RAPGEF2: variants seen among roughly 807,000 people sequenced by gnomAD.
RAPGEF2 encodes Rap guanine nucleotide exchange factor 2.
RAPGEF2 carries 54 observed loss-of-function variants against 186.7 expected under a neutral mutation model. The observed-to-expected ratio is 0.29, with a 90% CI of 0.23 to 0.36. The LOEUF (loss-of-function observed/expected upper bound fraction) is 0.36. Among genes scored for constraint, RAPGEF2 ranks in the 10% least tolerant of loss-of-function variants. RAPGEF2 has a pLI of 1.00. For synonymous variants in RAPGEF2, 712 were observed against 705.9 expected, an observed-to-expected ratio of 1.01 and a Z score of -0.14; for missense variants, 1,532 against 2,045.0, an observed-to-expected ratio of 0.75 and a Z score of 4.84.
intron 3 of RAPGEF2, among the ~76,000 whole-genome samples, chr4:159,209,123 C>G (rs1215861895): frequency 6.7e-6 from 1 of 149,212 alleles, no homozygotes; most frequent in African/African-American, 2.5e-5. Flanking sequence ...AACTCCTGAC[C>G]TCAGGTGATC....
intron 7 of RAPGEF2, among the ~76,000 whole-genome samples, chr4:159,253,892 C>A (rs9994151): frequency 6.6e-6 from 1 of 152,022 alleles, no homozygotes. Context: ...GGCGTGAACC[C>A]AGGAGGCGGA....
intron 9 of RAPGEF2, among the ~76,000 whole-genome samples, chr4:159,320,300 A>G (rs771798100): frequency 8.5e-5 from 13 of 152,130 alleles, no homozygotes; most frequent in Non-Finnish European, 1.8e-4. Context: ...TATGATAGAT[A>G]TGGGTCATCT....
At chr4:159,257,392 A>C (rs1368358923) in intron 7 of RAPGEF2, among the ~76,000 whole-genome samples, 1 of 152,180 alleles carries the variant, frequency 6.6e-6, no homozygotes, top group Admixed American at 6.5e-5. Context: ...TGTGCAGAGA[A>C]ATTCCCGTCT....
At chr4:159,117,917 T>G (rs1739226842) in intron 1 of RAPGEF2, among the ~76,000 whole-genome samples, 1 of 152,058 alleles carries the variant, frequency 6.6e-6, no homozygotes, top group Non-Finnish European at 1.5e-5. Flanking sequence ...AATAGGAAGG[T>G]CATAGTTTCA....
At chr4:159,182,534 T>C (rs905321076) in intron 1 of RAPGEF2, among the ~76,000 whole-genome samples, 1 of 152,068 alleles carries the variant, frequency 6.6e-6, no homozygotes, top group Non-Finnish European at 1.5e-5. Flanking sequence ...TAGCTGGGAT[T>C]ACAGGCATAT....
At chr4:159,193,349 T>C in intron 3 of RAPGEF2, 93 bp downstream of exon 3, 1 of 582,944 alleles carries the variant, frequency 1.7e-6, no homozygotes. Context: ...GCTGGCTAAG[T>C]CAGCACTAAC....
chr4:159,315,317 T>C (rs889823550), intron 9 of RAPGEF2, among the ~76,000 whole-genome samples: 1 of 151,952 alleles, frequency 6.6e-6, no homozygotes, highest in East Asian at 1.9e-4. Context: ...TTTTAATTTT[T>C]ATTTTATGTT....
intron 8 of RAPGEF2, among the ~76,000 whole-genome samples, chr4:159,309,051 G>A (rs1763640878): frequency 6.6e-6 from 1 of 152,166 alleles, no homozygotes; most frequent in South Asian, 2.1e-4. Context: ...CACAAAGAAA[G>A]CAAGGATTTG....
chr4:159,300,580 C>G lies in RAPGEF2; in HGVS notation c.544-3762C>G, dbSNP rs1355275923. ...ATGTGTTACTTTTTCATTTAATTAACTTAATTATTGATTTTATTCAGGTAA... is the reference window on the plus strand; with the variant it reads ...ATGTGTTACTTTTTCATTTAATTAAGTTAATTATTGATTTTATTCAGGTAA... On this transcript the variant is annotated intron_variant, in intron 7 of 29. Transcript: ENST00000691494. Among the ~76,000 whole-genome samples, 5 of 152,044 alleles carry G rather than the reference C, an allele frequency of 3.3e-5. No homozygotes were observed. In the East Asian group the frequency reaches 9.6e-4, roughly 29 times the overall value.
intron 4 of RAPGEF2, chr4:159,228,505 G>T (rs763598725): frequency 6.6e-6 from 1 of 152,162 alleles, no homozygotes; most frequent in South Asian, 2.1e-4. Flanking sequence ...TTTTTATCTT[G>T]TACTCTATTT....
At chr4:159,141,821 G>A (rs1246930713) in intron 1 of RAPGEF2, among the ~76,000 whole-genome samples, 9 of 152,074 alleles carry the variant, frequency 5.9e-5, no homozygotes, top group Non-Finnish European at 1.5e-5. Context: ...GTGGTTAGTG[G>A]CCATTATTAA....
Position 159,104,084 on chromosome 4 carries a change from G to A in RAPGEF2, c.-79G>A, listed in dbSNP as rs1737499105. 4 of 941,136 alleles carry A rather than the reference G, an allele frequency of 4.3e-6. No homozygotes were observed. The East Asian group carries it at 1.3e-4, about 31-fold the overall frequency. 58.3% of individuals were successfully genotyped at this position (941,136 alleles called of 1,614,324 possible). ...GCGGGCGGGCGGGCGCAGCGCGCAG[G>A]GCGGAGGCAGCAGCGGCGCTGGGCC... On this transcript the variant is annotated 5_prime_UTR_variant, in exon 1 of 30. Transcript: ENST00000691494.
rs113593975 is a variant in RAPGEF2, at chr4:159,256,390, A to T, written c.543+12599A>T. ...AAAGGACATGATCTTGTTCCTTTTT[A>T]TGGCTGCAGAGTATGCCATGGTGTA... is the stretch of plus-strand genomic sequence containing the variant. On this transcript the variant is annotated intron_variant, in intron 7 of 29. Transcript: ENST00000691494. 7.9e-3 allele frequency among the ~76,000 whole-genome samples: 1,196 copies of T among 152,304 alleles called. 8 individuals are homozygous for T. Among genetic ancestry groups the T allele is most frequent in the Non-Finnish European group, 0.013 (872 of 68,012 alleles).
At chr4:159,346,482 A>G (rs1335577824) in intron 24 of RAPGEF2, among the ~76,000 whole-genome samples, 14 of 152,230 alleles carry the variant, frequency 9.2e-5, no homozygotes, top group Admixed American at 7.2e-4. Context: ...TTTCATATAC[A>G]TGGATATAAC....
At chr4:159,147,970 T>G (rs979189055) in intron 1 of RAPGEF2, among the ~76,000 whole-genome samples, 4 of 152,220 alleles carry the variant, frequency 2.6e-5, no homozygotes, top group Non-Finnish European at 5.9e-5. Context: ...TATTTCTGGC[T>G]GAAGAGATTG....
intron 1 of RAPGEF2, among the ~76,000 whole-genome samples, chr4:159,179,205 C>CAT (rs5863353): frequency 2.0e-5 from 3 of 151,890 alleles, no homozygotes; most frequent in Non-Finnish European, 4.4e-5. Context: ...AAATAGCTTA[C>CAT]TTTTTTTTCA....
At chr4:159,177,214 C>CTT (rs11362763) in intron 1 of RAPGEF2, among the ~76,000 whole-genome samples, 14 of 138,876 alleles carry the variant, frequency 1.0e-4, no homozygotes, top group East Asian at 2.1e-4. Context: ...ATTCATTCAA[C>CTT]TTTTTTTTTT....
chr4:159,164,840 A>T (rs771555746), intron 1 of RAPGEF2, among the ~76,000 whole-genome samples: 1 of 152,202 alleles, frequency 6.6e-6, no homozygotes, highest in Non-Finnish European at 1.5e-5. Flanking sequence ...GGATCATAAA[A>T]ATTTAGCTTT....
chr4:159,187,886 CTAAT>C (rs781633317), intron 2 of RAPGEF2, among the ~76,000 whole-genome samples: 11 of 152,152 alleles, frequency 7.2e-5, no homozygotes, highest in Non-Finnish European at 1.5e-4. Flanking sequence ...TCTTTCAACA[CTAAT>C]TAATTTGTGA....
Sources: allele counts gnomAD v4.1 joint callset (sites outside exome capture counted in the v4.1 genomes callset), GRCh38; gene constraint gnomAD v4.1.1; transcripts MANE v1.5; gene names NCBI Gene and HGNC (gene_info 2026-07-23, HGNC 2026-07-21).